The following BTBD8 variants were observed in gnomAD, a reference collection of about 807,000 sequenced individuals.
BTBD8 encodes the protein BTB domain containing 8.
BTBD8 carries 110 observed loss-of-function variants against 162.9 expected under a neutral mutation model. The observed-to-expected ratio is 0.68, with a 90% confidence interval of 0.58 to 0.79. BTBD8 has a LOEUF of 0.79. Among genes scored for constraint, BTBD8 ranks in the 30% least tolerant of loss-of-function variants. BTBD8 has a pLI of 0.00. For synonymous variants in BTBD8, 667 were observed against 716.1 expected (o/e 0.93, Z 1.10); for missense variants, 1,905 against 2,085.4 (o/e 0.91, Z 1.68).
chr1:92,147,300 A>G, intron 8 of BTBD8, 32 bp downstream of exon 8: 1 of 1,529,694 alleles, frequency 6.5e-7, no homozygotes, highest in East Asian at 2.3e-5. Flanking sequence ...TGATACTATT[A>G]ATTTAGGGAT....
chr1:92,183,887 C>A lies in BTBD8; in HGVS notation c.4936C>A (p.Leu1646Met), dbSNP rs776486886. The A allele has an allele frequency of 6.5e-7, 1 of 1,549,412 alleles. No individual in the cohort carries two copies. The highest frequency in any genetic ancestry group is 1.2e-5 in the South Asian group (1 of 83,900). ...SAGDIDDCDT[L>M]AQTRMYDHRP... is the part of the protein sequence containing the mutation. ...AGGAGACATAGATGATTGTGACACA[C>A]TGGCACAAACCCGCATGTATGACCA... is the stretch of plus-strand genomic sequence containing the variant. Residue 1646 changes from leucine (L) to methionine (M), a missense_variant, in exon 18 of 18, where the codon CTG becomes ATG. Physicochemically the swap from Leu to Met is conservative, Grantham distance 15 (BLOSUM62 2). Around this residue, in one of 3 missense-constraint regions of BTBD8, gnomAD observed 517 missense variants for 606.6 expected, o/e 0.85. Transcript: ENST00000636805.
Position 92,184,193 on chromosome 1 carries a change from A to G in BTBD8, c.5242A>G (p.Ile1748Val). 2 of 1,551,604 alleles carry G rather than the reference A, an allele frequency of 1.3e-6. No homozygotes were observed. Among genetic ancestry groups the G allele is most frequent in the South Asian group, 2.4e-5 (2 of 84,064 alleles). The change falls in exon 18 of 18, where the codon ATT (isoleucine) becomes GTT (valine). Residue 1748 changes from isoleucine to valine, a missense_variant. By Grantham distance (29) the Ile-to-Val change is conservative (BLOSUM62 3). Transcript: ENST00000636805. Reference protein sequence around the residue: ...DSSKPQGITHIDTLNRWSELT... With the variant: ...DSSKPQGITHVDTLNRWSELT... ...CTCAAAACCTCAGGGTATAACACAT[A>G]TTGACACTTTGAACAGATGGAGTGA...
intron 1 of BTBD8, among the ~76,000 whole-genome samples, chr1:92,083,998 A>G (rs1557434144): frequency 6.6e-6 from 1 of 152,250 alleles, no homozygotes; most frequent in African/African-American, 2.4e-5. Context: ...ACAACTGGAA[A>G]TATGTCTGGA....
chr1:92,131,585 A>G (rs1649516732), intron 5 of BTBD8, among the ~76,000 whole-genome samples: 1 of 152,158 alleles, frequency 6.6e-6, no homozygotes, highest in African/African-American at 2.4e-5. Context: ...TTAGCTGGGC[A>G]TGATGGCACG....
At chr1:92,138,386 T>C (rs1649684146) in intron 5 of BTBD8, among the ~76,000 whole-genome samples, 1 of 152,248 alleles carries the variant, frequency 6.6e-6, no homozygotes, top group African/African-American at 2.4e-5. Context: ...TCTCATAAAA[T>C]GCTAAAATTT....
In BTBD8 at chr1:92,147,723, A is replaced by G. The variant is rs1649958427; in HGVS notation, c.1059A>G (p.Arg353=). The change falls in exon 9 of 18, where the codon AGA becomes AGG. Residue 353 remains arginine (R), a synonymous_variant. Transcript: ENST00000636805. ...ATTTTGCAAGGTTTTGGTCTGAGAGAAGCTTTGCAAATATACCTCCTGAGA... is the reference window on the plus strand; with the variant it reads ...ATTTTGCAAGGTTTTGGTCTGAGAGGAGCTTTGCAAATATACCTCCTGAGA... The part of the protein sequence containing the change: ...VKHFARFWSE[R]SFANIPPEIQ... The G allele has an allele frequency of 6.2e-7, 1 of 1,613,624 alleles. No homozygotes were observed. Among genetic ancestry groups the G allele is most frequent in the South Asian group, 1.1e-5 (1 of 90,944 alleles).
At chr1:92,114,011 CAAAAAAAA>C (rs35277981) in intron 4 of BTBD8, among the ~76,000 whole-genome samples, 1 of 95,000 alleles carries the variant, frequency 1.1e-5, no homozygotes, top group Non-Finnish European at 2.1e-5. Flanking sequence ...GACTCCGTCT[CAAAAAAAA>C]AAAAAAAAAA....
At position 92,096,829 on chromosome 1, in the gene BTBD8, C is replaced by T. The variant is rs146460791; in HGVS notation, c.348-5644C>T. The stretch of plus-strand genomic sequence containing the variant: ...CTGAGATTACAGGTATGAGCCATAG[C>T]GTGTGGCCAATCACCTATATTTCCC... On this transcript the variant is annotated intron_variant, in intron 2 of 17. Transcript: ENST00000636805. 3.3e-3 allele frequency among the ~76,000 whole-genome samples: 500 copies of T among 152,236 alleles called. 3 individuals are homozygous for T. The highest frequency in any genetic ancestry group is 0.011 in the African/African-American group (458 of 41,536).
intron 4 of BTBD8, among the ~76,000 whole-genome samples, chr1:92,124,228 C>T (rs1570731896): frequency 6.6e-6 from 1 of 152,202 alleles, no homozygotes; most frequent in Non-Finnish European, 1.5e-5. Context: ...ATCACTGTGG[C>T]AGTGTTCTGA....
chr1:92,171,665 A>G (rs1471047206), intron 13 of BTBD8, among the ~76,000 whole-genome samples: 1 of 152,250 alleles, frequency 6.6e-6, no homozygotes, highest in African/African-American at 2.4e-5. Context: ...CACTGGAAGT[A>G]TCTACCTTTT....
rs149617732 is a variant in BTBD8, at chr1:92,166,315, A to G, written c.1123-643A>G. On this transcript the variant is annotated intron_variant, in intron 9 of 17. Transcript: ENST00000636805. ...AGCCATGCAGTTATAAATGATATCT[A>G]TAAGCACAAAAATTAATTTAGTAGT... 1.1e-4 allele frequency among the ~76,000 whole-genome samples: 16 copies of G among 152,278 alleles called. No individual in the cohort carries two copies. In the East Asian group the frequency reaches 2.7e-3, roughly 26 times the overall value.
At chr1:92,108,147 A>G (rs545585421) in intron 4 of BTBD8, 146 bp downstream of exon 4, 5 of 781,484 alleles carry the variant, frequency 6.4e-6, no homozygotes, top group Non-Finnish European at 1.1e-5. Context: ...TTCCACTGTG[A>G]TTCCTCAGGG....
rs1279599368 is a variant in BTBD8 at position 92,147,198 on chromosome 1, A to G, written c.949A>G (p.Thr317Ala). 1 of 1,608,386 alleles carries G rather than the reference A, an allele frequency of 6.2e-7. No individual in the cohort carries two copies. The highest frequency in any genetic ancestry group is 8.5e-7 in the Non-Finnish European group (1 of 1,177,664). ...FFQKPVPRTL[T>A]SILECLIIAH... ...ATTTTAGCCTGTTCCCAGAACATTGACGTCTATACTAGAATGCCTGATTAT... is the reference window on the plus strand; with the variant it reads ...ATTTTAGCCTGTTCCCAGAACATTGGCGTCTATACTAGAATGCCTGATTAT... Residue 317 changes from threonine (T) to alanine (A), a missense_variant, in exon 8 of 18, where the codon ACG (threonine) becomes GCG (alanine). This residue lies in a region of BTBD8 where 1,374 missense variants were observed against 1,442.7 expected (regional missense o/e 0.95). Coordinates refer to ENST00000636805, the MANE Select transcript of BTBD8 (RefSeq NM_001376131.1).
At chr1:92,176,444 A>G (rs2100685306) in intron 13 of BTBD8, among the ~76,000 whole-genome samples, 1 of 152,330 alleles carries the variant, frequency 6.6e-6, no homozygotes. Context: ...TGATGTATAC[A>G]AAAGATGTAG....
intron 1 of BTBD8, among the ~76,000 whole-genome samples, chr1:92,087,835 T>G (rs1052449304): frequency 2.6e-5 from 4 of 152,206 alleles, no homozygotes; most frequent in African/African-American, 9.7e-5. Context: ...TTATATATCC[T>G]GTAATACAGA....
chr1:92,143,786 A>G (rs1349687470), intron 7 of BTBD8, among the ~76,000 whole-genome samples: 1 of 151,900 alleles, frequency 6.6e-6, no homozygotes, highest in Non-Finnish European at 1.5e-5. Context: ...TGCTGGGATT[A>G]CAGGCATGAG....
intron 9 of BTBD8, among the ~76,000 whole-genome samples, chr1:92,159,391 G>A (rs1374934520): frequency 1.3e-5 from 2 of 151,566 alleles, no homozygotes; most frequent in East Asian, 3.9e-4. Flanking sequence ...TGCTCAGGCT[G>A]GTCTCGAACT....
intron 1 of BTBD8, among the ~76,000 whole-genome samples, chr1:92,081,597 G>A (rs1380216830): frequency 6.6e-6 from 1 of 151,432 alleles, no homozygotes; most frequent in Admixed American, 6.6e-5. Context: ...TTTTGGAGAC[G>A]GAGTCTCGCT....
chr1:92,143,945 A>G (rs1649840369), intron 7 of BTBD8, among the ~76,000 whole-genome samples: 1 of 145,000 alleles, frequency 6.9e-6, no homozygotes, highest in Admixed American at 6.9e-5. Context: ...ACTTTTGAAT[A>G]TATATAATTT....
Sources: allele counts gnomAD v4.1 joint callset (sites outside exome capture counted in the v4.1 genomes callset), GRCh38; gene constraint gnomAD v4.1.1; regional missense constraint gnomAD v4.1.1; transcripts MANE v1.5; gene names NCBI Gene and HGNC (gene_info 2026-07-23, HGNC 2026-07-21).